Variants in HS3ST4 observed in about 807,000 individuals in gnomAD.
The protein encoded by HS3ST4 is heparan sulfate-glucosamine 3-sulfotransferase 4, also known as heparan sulfate glucosamine 3-O-sulfotransferase 4.
In HS3ST4, 17 loss-of-function variants were observed where a neutral mutation model predicts 29.2. That is an observed-to-expected ratio of 0.58 (90% CI 0.40 to 0.87). HS3ST4 has a LOEUF of 0.87. HS3ST4 is among the 40% of genes least tolerant of loss of function. The pLI is 0.00. For missense variants in HS3ST4, 627 were observed against 634.5 expected (o/e 0.99, Z 0.13); for synonymous variants, 314 against 285.7 (o/e 1.10, Z -1.00).
chr16:26,086,288 C>A (rs369442936), intron 1 of HS3ST4, among the ~76,000 whole-genome samples: 14 of 152,156 alleles, frequency 9.2e-5, no homozygotes, highest in African/African-American at 3.4e-4. Context: ...TTGTCTGACT[C>A]GCTCAGTAGA....
At chr16:26,050,296 GTC>G (rs1440827045) in intron 1 of HS3ST4, among the ~76,000 whole-genome samples, 1 of 151,216 alleles carries the variant, frequency 6.6e-6, no homozygotes, top group Non-Finnish European at 1.5e-5. Context: ...CTCTCTCTCT[GTC>G]TCTCTCTCTC....
chr16:25,748,556 T>C (rs2141600802), intron 1 of HS3ST4, among the ~76,000 whole-genome samples: 1 of 152,324 alleles, frequency 6.6e-6, no homozygotes, highest in East Asian at 1.9e-4. Context: ...AGCTCCATGA[T>C]AAAAATGCAT....
chr16:25,716,994 C>A (rs1966458789), intron 1 of HS3ST4, among the ~76,000 whole-genome samples: 1 of 151,852 alleles, frequency 6.6e-6, no homozygotes, highest in Admixed American at 6.6e-5. Flanking sequence ...GTGGAGGTCA[C>A]AGTGAGCCGA....
chr16:26,081,167 G>C (rs568151818), intron 1 of HS3ST4, among the ~76,000 whole-genome samples: 1 of 151,986 alleles, frequency 6.6e-6, no homozygotes, highest in East Asian at 1.9e-4. Context: ...TTTTCCTGTA[G>C]TCCCAGCTAT....
chr16:25,989,439 G>C (rs566661488), intron 1 of HS3ST4, among the ~76,000 whole-genome samples: 10 of 152,308 alleles, frequency 6.6e-5, no homozygotes, highest in Non-Finnish European at 8.8e-5. Context: ...GGCAAACAGA[G>C]GTAAAGCAAA....
chr16:26,013,443 A>G lies in HS3ST4; in HGVS notation c.735-122169A>G, dbSNP rs530605219. Among the ~76,000 whole-genome samples the G allele has an allele frequency of 3.3e-5, 5 of 152,292 alleles. No individual in the cohort carries two copies. The South Asian group carries it at 1.0e-3, about 32-fold the overall frequency. ...GCAAATAAAGCAATTAATATAAAAT[A>G]TATGGTCAGCACACATAGAATTCCA... On this transcript the variant is annotated intron_variant, in intron 1 of 1. Coordinates refer to ENST00000331351, the MANE Select transcript of HS3ST4 (RefSeq NM_006040.3).
intron 1 of HS3ST4, among the ~76,000 whole-genome samples, chr16:25,880,462 A>G (rs1967882927): frequency 6.6e-6 from 1 of 152,228 alleles, no homozygotes; most frequent in Non-Finnish European, 1.5e-5. Flanking sequence ...ACACGCAACC[A>G]TCTCTTTACA....
At chr16:25,728,112 C>T (rs1966549323) in intron 1 of HS3ST4, among the ~76,000 whole-genome samples, 1 of 152,190 alleles carries the variant, frequency 6.6e-6, no homozygotes, top group Non-Finnish European at 1.5e-5. Flanking sequence ...AGCAATTCTC[C>T]TGCCTCAGCC....
intron 1 of HS3ST4, among the ~76,000 whole-genome samples, chr16:25,883,396 AAT>A (rs1491169964): frequency 2.9e-4 from 20 of 69,220 alleles, no homozygotes; most frequent in South Asian, 3.6e-4. Context: ...CAACAAAAAA[AAT>A]ACCCCACACT....
At chr16:26,024,210 G>A (rs1346568106) in intron 1 of HS3ST4, among the ~76,000 whole-genome samples, 1 of 143,478 alleles carries the variant, frequency 7.0e-6, no homozygotes, top group East Asian at 2.1e-4. Context: ...GCAACAGAGA[G>A]AGACTCCGTC....
chr16:25,750,404 A>G (rs1210150522), intron 1 of HS3ST4, among the ~76,000 whole-genome samples: 1 of 152,228 alleles, frequency 6.6e-6, no homozygotes, highest in Non-Finnish European at 1.5e-5. Context: ...ACTGTGTTCA[A>G]GGCAAGAAGA....
chr16:25,946,733 C>T lies in HS3ST4; in HGVS notation c.735-188879C>T, dbSNP rs141000341. Among the ~76,000 whole-genome samples the T allele has an allele frequency of 2.6e-3, 401 of 152,068 alleles. 1 individual carries two copies. Among genetic ancestry groups the T allele is most frequent in the Non-Finnish European group, 2.0e-3 (137 of 68,002 alleles). On this transcript the variant is annotated intron_variant, in intron 1 of 1. Transcript: ENST00000331351. ...TGCATGGTGCTAAGAGCATAGGGAA[C>T]GGGGGCAATTTACCTAACCAAACAG...
At chr16:25,930,701 A>G (rs949627516) in intron 1 of HS3ST4, among the ~76,000 whole-genome samples, 1 of 152,152 alleles carries the variant, frequency 6.6e-6, no homozygotes, top group Non-Finnish European at 1.5e-5. Context: ...TTTCATCCTC[A>G]GCCTGGTCCT....
chr16:26,103,991 G>C (rs1899019957), intron 1 of HS3ST4, among the ~76,000 whole-genome samples: 1 of 152,130 alleles, frequency 6.6e-6, no homozygotes, highest in South Asian at 2.1e-4. Flanking sequence ...TAAACGTATT[G>C]CCTAGGTTCC....
chr16:26,123,116 G>A (rs966878481), intron 1 of HS3ST4, among the ~76,000 whole-genome samples: 5 of 151,978 alleles, frequency 3.3e-5, no homozygotes, highest in African/African-American at 1.2e-4. Context: ...AGCAGATGGG[G>A]CTGTTTGTAC....
chr16:26,035,772 G>A (rs1420783470), intron 1 of HS3ST4, among the ~76,000 whole-genome samples: 1 of 152,186 alleles, frequency 6.6e-6, no homozygotes, highest in African/African-American at 2.4e-5. Flanking sequence ...ATGCGCAGCT[G>A]ATCACATTAT....
chr16:25,761,774 T>A (rs1225974867), intron 1 of HS3ST4, among the ~76,000 whole-genome samples: 2 of 152,208 alleles, frequency 1.3e-5, no homozygotes, highest in Admixed American at 1.3e-4. Flanking sequence ...ATAATCATGA[T>A]CTGATTATAA....
intron 1 of HS3ST4, among the ~76,000 whole-genome samples, chr16:25,820,336 G>T (rs1002485426): frequency 2.0e-5 from 3 of 152,128 alleles, no homozygotes; most frequent in Non-Finnish European, 2.9e-5. Context: ...AGGAACTTGG[G>T]CAAGTTAGGA....
intron 1 of HS3ST4, among the ~76,000 whole-genome samples, chr16:25,896,508 G>T (rs1270099818): frequency 6.6e-6 from 1 of 152,172 alleles, no homozygotes; most frequent in Non-Finnish European, 1.5e-5. Context: ...ACAGATGTTG[G>T]CAGGGCTGTG....
Sources: gnomAD v4.1 joint callset for allele counts (sites outside exome capture counted in the v4.1 genomes callset) on GRCh38, gnomAD v4.1.1 for gene constraint, MANE v1.5 for transcripts, NCBI Gene and HGNC (gene_info 2026-07-23, HGNC 2026-07-21) for gene names.